Variants in CCS observed in about 807,000 individuals in gnomAD.
CCS encodes copper chaperone for superoxide dismutase.
A neutral mutation model predicts 35.5 loss-of-function variants in CCS; 32 were observed. The ratio of observed to expected loss-of-function variants is 0.90; its 90% confidence interval spans 0.68 to 1.21. The LOEUF is 1.21. Ranked by LOEUF, CCS falls within the 50% of genes most tolerant of loss-of-function variation. CCS has a pLI of 0.00. For synonymous variants in CCS, 130 were observed against 147.2 expected, an observed-to-expected ratio of 0.88 and a Z score of 0.84; for missense variants, 342 against 375.4, an observed-to-expected ratio of 0.91 and a Z score of 0.73.
At chr11:66,594,774 CAAA>C (rs992030660) in intron 2 of CCS, among the ~76,000 whole-genome samples, 15 of 64,994 alleles carry the variant, frequency 2.3e-4, no homozygotes, top group African/African-American at 4.6e-4. Flanking sequence ...GACCCTCTCT[CAAA>C]AAAAAAAAAA....
chr11:66,596,896 T>C (rs1208817622), intron 2 of CCS, among the ~76,000 whole-genome samples: 1 of 152,206 alleles, frequency 6.6e-6, no homozygotes, highest in Non-Finnish European at 1.5e-5. Flanking sequence ...GGTTAAGTGC[T>C]GGGGCTCTGG....
At chr11:66,593,772 C>T (rs368346498) in intron 2 of CCS, 58 bp downstream of exon 2, 3 of 1,499,314 alleles carry the variant, frequency 2.0e-6, no homozygotes, top group Admixed American at 1.7e-5. Flanking sequence ...AGGGACCAGG[C>T]GAATCTATTA....
chr11:66,603,105 A>G (rs982033931), intron 5 of CCS, among the ~76,000 whole-genome samples: 9 of 152,158 alleles, frequency 5.9e-5, no homozygotes, highest in Admixed American at 3.3e-4. Flanking sequence ...CTTGGCTCCC[A>G]GTGCCTGAGA....
At chr11:66,593,385 G>A in intron 1 of CCS, 85 bp downstream of exon 1, 2 of 1,374,082 alleles carry the variant, frequency 1.5e-6, no homozygotes, top group East Asian at 2.5e-5. Context: ...AGAGGAGAAG[G>A]AGTGGGCACT....
At chr11:66,604,128 G>A (rs1287959806) in intron 5 of CCS, among the ~76,000 whole-genome samples, 1 of 152,038 alleles carries the variant, frequency 6.6e-6, no homozygotes, top group Admixed American at 6.6e-5. Flanking sequence ...TACTTAGGAG[G>A]CTGAGGCAGG....
intron 5 of CCS, among the ~76,000 whole-genome samples, chr11:66,603,419 A>G (rs1194830058): frequency 2.0e-5 from 3 of 152,202 alleles, no homozygotes; most frequent in East Asian, 3.8e-4. Context: ...TACTAAAAAT[A>G]CAAAAATTAG....
chr11:66,602,913 A>C (rs887940025), intron 5 of CCS, among the ~76,000 whole-genome samples: 3 of 152,236 alleles, frequency 2.0e-5, no homozygotes, highest in Non-Finnish European at 4.4e-5. Flanking sequence ...CCCAGGTGGA[A>C]AAGAATTCCA....
Position 66,593,413 on chromosome 11 carries a change from C to G in CCS, c.39+113C>G, listed in dbSNP as rs1048843108. 4.2e-6 allele frequency: 5 copies of G among 1,196,840 alleles called. No individual in the cohort carries two copies. In the African/African-American group the frequency reaches 7.7e-5, roughly 18 times the overall value. 74.1% of individuals were successfully genotyped at this position (1,196,840 alleles called of 1,614,324 possible). A position where few individuals can be genotyped will look rare whatever the true frequency, so the allele number is the denominator to read the frequency against. On this transcript the variant is annotated intron_variant, in intron 1 of 7. Coordinates refer to ENST00000533244, the MANE Select transcript of CCS (RefSeq NM_005125.2). ...TGGGCACTTGGGTTGGGGCCTGGGG[C>G]CATGGGATGAAACTAGGGTGCGAGG...
At chr11:66,600,651 G>A (rs1858559407) in intron 5 of CCS, 102 bp downstream of exon 5, 1 of 551,610 alleles carries the variant, frequency 1.8e-6, no homozygotes, top group South Asian at 3.8e-5. Flanking sequence ...TTCCTTTTTG[G>A]TGGAGTCTTT....
At chr11:66,604,048 A>AATTAATT (rs1565062400) in intron 5 of CCS, among the ~76,000 whole-genome samples, 1 of 130,442 alleles carries the variant, frequency 7.7e-6, no homozygotes, top group African/African-American at 2.7e-5. Flanking sequence ...ATAAATAAAT[A>AATTAATT]AATAAATTAA....
intron 2 of CCS, among the ~76,000 whole-genome samples, chr11:66,597,327 G>A (rs1182076036): frequency 3.3e-5 from 5 of 151,736 alleles, no homozygotes; most frequent in African/African-American, 1.2e-4. Context: ...GCGTGATGGC[G>A]GGCACCTGTT....
At chr11:66,605,185 C>CT in intron 5 of CCS, 154 bp from the exon 6 acceptor site, 1 of 1,536,562 alleles carries the variant, frequency 6.5e-7, no homozygotes, top group Non-Finnish European at 8.7e-7. Context: ...CTGCCCAGTC[C>CT]TTGGGGAGCT....
intron 1 of CCS, 129 bp from the exon 2 acceptor site, chr11:66,593,513 G>C (rs1858418615): frequency 9.7e-7 from 1 of 1,028,618 alleles, no homozygotes; most frequent in Admixed American, 2.1e-5. Flanking sequence ...TCATGAAGAA[G>C]GTGCTTGAAG....
At chr11:66,593,434 C>T in intron 1 of CCS, 134 bp downstream of exon 1, 1 of 1,053,428 alleles carries the variant, frequency 9.5e-7, no homozygotes, top group Non-Finnish European at 1.4e-6. Flanking sequence ...AACTAGGGTG[C>T]GAGGGTAGCA....
chr11:66,599,719 T>A (rs1206083142), intron 4 of CCS, 83 bp downstream of exon 4: 17 of 1,301,056 alleles, frequency 1.3e-5, no homozygotes, highest in Admixed American at 2.3e-5. Flanking sequence ...GTGAGGCACA[T>A]ACACACAGGC....
intron 4 of CCS, 23 bp downstream of exon 4, chr11:66,599,659 A>G (rs1436051064): frequency 1.2e-6 from 2 of 1,606,264 alleles, no homozygotes; most frequent in Non-Finnish European, 8.5e-7. Flanking sequence ...AAGTCTCCCC[A>G]GTAGCATTCT....
intron 2 of CCS, among the ~76,000 whole-genome samples, chr11:66,596,115 T>C (rs893999775): frequency 2.0e-5 from 3 of 152,240 alleles, no homozygotes; most frequent in Non-Finnish European, 4.4e-5. Flanking sequence ...TTGCCCAGGC[T>C]GGAGTGCGGT....
chr11:66,595,627 G>A (rs1858464480), intron 2 of CCS, among the ~76,000 whole-genome samples: 1 of 152,044 alleles, frequency 6.6e-6, no homozygotes, highest in South Asian at 2.1e-4. Context: ...CCCAGCCCAA[G>A]GCTCACCCCC....
At chr11:66,604,011 A>G (rs1169249196) in intron 5 of CCS, among the ~76,000 whole-genome samples, 1 of 151,738 alleles carries the variant, frequency 6.6e-6, no homozygotes, top group Non-Finnish European at 1.5e-5. Context: ...CCTGGGCAAC[A>G]GAGTGAGACT....
Sources: gnomAD v4.1 joint callset for allele counts (sites outside exome capture counted in the v4.1 genomes callset) on GRCh38, gnomAD v4.1.1 for gene constraint, MANE v1.5 for transcripts, NCBI Gene and HGNC (gene_info 2026-07-23, HGNC 2026-07-21) for gene names.